Variants in CASK observed in about 807,000 individuals in gnomAD.
CASK encodes peripheral plasma membrane protein CASK.
Under a neutral mutation model 82.9 loss-of-function variants are expected in CASK, and 4 were observed. That is an observed-to-expected ratio of 0.05 (90% CI 0.02 to 0.11). The LOEUF (loss-of-function observed/expected upper bound fraction) is 0.11. Among genes scored for constraint, CASK ranks in the 10% least tolerant of loss-of-function variants. The pLI, the probability that CASK is intolerant of heterozygous loss-of-function variation, is 1.00. For missense variants in CASK, 358 were observed against 720.9 expected (o/e 0.50, Z 5.76); for synonymous variants, 259 against 253.5 (o/e 1.02, Z -0.20).
chrX:41,811,889 A>C (rs1385178010), intron 2 of CASK, among the ~76,000 whole-genome samples: 1 of 111,996 alleles, frequency 8.9e-6, no homozygotes, highest in East Asian at 2.8e-4. Context: ...AGACGCAATA[A>C]AAAATGATAA....
At chrX:41,683,384 C>T (rs1036135291) in intron 5 of CASK, 2 of 112,341 alleles carry the variant, frequency 1.8e-5, no homozygotes, top group Non-Finnish European at 3.8e-5. Flanking sequence ...TGCACCACAT[C>T]CCAGAACTCC....
intron 13 of CASK, chrX:41,587,831 T>G (rs184970708): frequency 8.9e-6 from 1 of 112,445 alleles, no homozygotes. Flanking sequence ...AAACACCTGC[T>G]GCTATTCTAA....
chrX:41,748,562 C>G, intron 3 of CASK: 1 of 220,797 alleles, frequency 4.5e-6, no homozygotes, highest in African/African-American at 2.9e-5. Flanking sequence ...CATGAAGAAG[C>G]AAGATGAAAA....
chrX:41,578,592 T>G (rs1469491587), intron 14 of CASK, 64 bp from the exon 15 acceptor site: 1 of 841,065 alleles, frequency 1.2e-6, no homozygotes, highest in East Asian at 3.5e-5. Context: ...TTTATTTTAT[T>G]TATTTATTTA....
chrX:41,905,401 T>C (rs780510154), intron 1 of CASK, among the ~76,000 whole-genome samples: 6 of 112,415 alleles, frequency 5.3e-5, no homozygotes, highest in Non-Finnish European at 1.1e-4. Context: ...ACCCTTGTTA[T>C]TGTCTTTTTG....
rs76783862 is a variant in CASK, at chrX:41,687,965, C to CAAA, written c.430-16438_430-16436dup. ...GGGCAACAAGAGCGAAACTCCGTCT[C>CAAA]AAAAAAAAAAAAAAAAAAAAAAGTT... On this transcript the variant is annotated intron_variant, in intron 5 of 26. Coordinates refer to ENST00000378163, the MANE Select transcript of CASK (RefSeq NM_001367721.1). Among the ~76,000 whole-genome samples, 102 of 24,552 alleles carry CAAA rather than the reference C, an allele frequency of 4.2e-3. 2 individuals carry two copies. The highest frequency in any genetic ancestry group is 0.014 in the African/African-American group (93 of 6,817). The allele number at this position is 24,552 out of a possible 115,157, so 21.3% of individuals were successfully genotyped here.
chrX:41,644,003 A>G (rs2066709377), intron 8 of CASK, among the ~76,000 whole-genome samples: 1 of 111,813 alleles, frequency 8.9e-6, no homozygotes, highest in Admixed American at 9.5e-5. Context: ...AATTTTGTCA[A>G]AGGCCTTTTC....
chrX:41,606,695 CTT>C (rs1381115981), intron 12 of CASK, among the ~76,000 whole-genome samples: 10 of 101,473 alleles, frequency 9.9e-5, no homozygotes, highest in Non-Finnish European at 4.1e-5. Flanking sequence ...GATACTGCAC[CTT>C]TTTTTTTTTT....
intron 4 of CASK, among the ~76,000 whole-genome samples, chrX:41,744,928 T>C (rs1043890202): frequency 8.9e-6 from 1 of 111,733 alleles, no homozygotes; most frequent in Non-Finnish European, 1.9e-5. Context: ...AGCTATTAGA[T>C]CCCCGCTTCC....
At chrX:41,559,406 T>G in intron 18 of CASK, 1 of 201,340 alleles carries the variant, frequency 5.0e-6, no homozygotes, top group South Asian at 9.1e-5. Context: ...AGAAGAACTA[T>G]CTATGTGATT....
chrX:41,709,923 T>C (rs1039120259), intron 5 of CASK, among the ~76,000 whole-genome samples: 5 of 111,082 alleles, frequency 4.5e-5, no homozygotes, highest in African/African-American at 1.3e-4. Flanking sequence ...CAATTGTATC[T>C]AGAAATTCAA....
Position 41,655,956 on chromosome X carries a change from T to G in CASK, c.831+4483A>C, listed in dbSNP as rs1474879949. On this transcript the variant is annotated intron_variant, in intron 8 of 26. Coordinates refer to ENST00000378163, the MANE Select transcript of CASK (RefSeq NM_001367721.1). Reference sequence around the variant, plus strand: ...GAAGGGCAGTGGAAACCTGGCCTATTTATTAAAGGGATGCCCATATGGAGA... The same window carrying G: ...GAAGGGCAGTGGAAACCTGGCCTATGTATTAAAGGGATGCCCATATGGAGA... Among the ~76,000 whole-genome samples, 6 of 111,300 alleles carry G rather than the reference T, an allele frequency of 5.4e-5. 1 individual carries two copies. Among genetic ancestry groups the G allele is most frequent in the Admixed American group, 4.8e-4 (5 of 10,481 alleles).
At chrX:41,521,041 G>GC (rs1295231701) in intron 26 of CASK, among the ~76,000 whole-genome samples, 1 of 112,198 alleles carries the variant, frequency 8.9e-6, no homozygotes, top group Non-Finnish European at 1.9e-5. Context: ...GGAGCTCTTT[G>GC]CCCCCGTCCC....
At chrX:41,799,891 C>T (rs1213629261) in intron 2 of CASK, among the ~76,000 whole-genome samples, 1 of 106,730 alleles carries the variant, frequency 9.4e-6, no homozygotes. Flanking sequence ...AAGAGCTACT[C>T]GGGGTGGATT....
intron 5 of CASK, among the ~76,000 whole-genome samples, chrX:41,686,832 A>T (rs1371771464): frequency 8.9e-6 from 1 of 112,052 alleles, no homozygotes; most frequent in Non-Finnish European, 1.9e-5. Context: ...GGCACCAAAC[A>T]AGCGTATACA....
chrX:41,618,825 C>CTT (rs1207067880), intron 11 of CASK, among the ~76,000 whole-genome samples: 21 of 89,885 alleles, frequency 2.3e-4, no homozygotes, highest in East Asian at 3.5e-4. Flanking sequence ...TGTCCAATTT[C>CTT]TTTTTTTTTT....
chrX:41,621,466 G>A (rs1466721964), intron 11 of CASK, among the ~76,000 whole-genome samples: 2 of 111,966 alleles, frequency 1.8e-5, no homozygotes, highest in African/African-American at 6.5e-5. Flanking sequence ...GCCCTGTGAA[G>A]AGGACCACAG....
intron 8 of CASK, among the ~76,000 whole-genome samples, chrX:41,646,485 A>G (rs905450631): frequency 1.8e-5 from 2 of 111,089 alleles, no homozygotes; most frequent in Non-Finnish European, 3.8e-5. Context: ...CTTTCTCTTA[A>G]AATAGGAAGA....
chrX:41,549,341 C>G (rs950785602), intron 21 of CASK, among the ~76,000 whole-genome samples: 9 of 111,579 alleles, frequency 8.1e-5, no homozygotes, highest in Admixed American at 4.8e-4. Context: ...TCCTATACCC[C>G]CAAAGTCCTA....
Sources: gnomAD v4.1 joint callset for allele counts (sites outside exome capture counted in the v4.1 genomes callset) on GRCh38, gnomAD v4.1.1 for gene constraint, MANE v1.5 for transcripts, NCBI Gene and HGNC (gene_info 2026-07-23, HGNC 2026-07-21) for gene names.